CRYBG1: variants seen among roughly 807,000 people sequenced by gnomAD.
CRYBG1 encodes beta/gamma crystallin domain-containing protein 1.
CRYBG1 carries 139 observed loss-of-function variants against 189.2 expected under a neutral mutation model. That is an observed-to-expected ratio of 0.73 (90% CI 0.64 to 0.85). The LOEUF (loss-of-function observed/expected upper bound fraction) is 0.85, where lower values mean the gene tolerates loss of function less well. Among genes scored for constraint, CRYBG1 ranks in the 40% least tolerant of loss-of-function variants. The pLI, the probability that CRYBG1 is intolerant of heterozygous loss-of-function variation, is 0.00. For missense variants in CRYBG1, 2,611 were observed against 2,675.8 expected (o/e 0.98, Z 0.53); for synonymous variants, 1,023 against 1,017.1 (o/e 1.01, Z -0.11).
At chr6:106,478,082 A>G (rs1350309886) in intron 2 of CRYBG1, among the ~76,000 whole-genome samples, 1 of 152,216 alleles carries the variant, frequency 6.6e-6, no homozygotes, top group Non-Finnish European at 1.5e-5. Context: ...TGAGTGGGTG[A>G]GATCAGCTAG....
At chr6:106,481,538 A>G (rs2353060) in intron 2 of CRYBG1, among the ~76,000 whole-genome samples, 33,332 of 151,594 alleles carry the variant, frequency 0.22, 5,458 homozygotes, top group African/African-American at 0.45. Context: ...CGATATCTTT[A>G]CCTTCTCTCC....
At chr6:106,456,127 C>A (rs373086778) in intron 2 of CRYBG1, among the ~76,000 whole-genome samples, 1 of 152,144 alleles carries the variant, frequency 6.6e-6, no homozygotes, top group African/African-American at 2.4e-5. Context: ...CTCAGTGGTT[C>A]TAACCACTAT....
chr6:106,379,381 T>C (rs1364040758), intron 1 of CRYBG1, among the ~76,000 whole-genome samples: 1 of 151,534 alleles, frequency 6.6e-6, no homozygotes, highest in African/African-American at 2.4e-5. Context: ...CCTGCCTCAG[T>C]CTCCCAAGTA....
Position 106,519,862 on chromosome 6 carries a change from C to A in CRYBG1, c.2654C>A (p.Pro885His). The change falls in exon 4 of 22, where the codon CCC becomes CAC. Residue 885 changes from proline to histidine, a missense_variant. Coordinates refer to ENST00000633556, the MANE Select transcript of CRYBG1 (RefSeq NM_001371242.2). ...TCTGCACCCGCTCCTGGGGATGTTCCCAAAGACACATGTGTTCAATCACCC... is the reference window on the plus strand; with the variant it reads ...TCTGCACCCGCTCCTGGGGATGTTCACAAAGACACATGTGTTCAATCACCC... ...SLSAPAPGDV[P>H]KDTCVQSPIS... The A allele has an allele frequency of 6.2e-7, 1 of 1,614,154 alleles. No homozygotes were observed. The highest frequency in any genetic ancestry group is 8.5e-7 in the Non-Finnish European group (1 of 1,180,034).
At chr6:106,488,208 A>G (rs1056415646) in intron 2 of CRYBG1, among the ~76,000 whole-genome samples, 4 of 152,150 alleles carry the variant, frequency 2.6e-5, no homozygotes, top group African/African-American at 9.7e-5. Context: ...GCAGGCCAGC[A>G]GATTATGTGG....
chr6:106,481,209 C>T lies in CRYBG1; in HGVS notation c.312+29377C>T, dbSNP rs911672631. 4.9e-4 allele frequency among the ~76,000 whole-genome samples: 63 copies of T among 128,538 alleles called. 15 individuals carry two copies. The highest frequency in any genetic ancestry group is 1.7e-3 in the African/African-American group (55 of 32,364). 84.3% of individuals were successfully genotyped at this position (128,538 alleles called of 152,430 possible). A position where few individuals can be genotyped will look rare whatever the true frequency, so the allele number is the denominator to read the frequency against. On this transcript the variant is annotated intron_variant, in intron 2 of 21. Coordinates refer to ENST00000633556, the MANE Select transcript of CRYBG1 (RefSeq NM_001371242.2). The stretch of plus-strand genomic sequence containing the variant: ...CGGGATGGTCTCGATCTCTTGACCT[C>T]GTGATCCGCCCGCCTCGGCCTCCCA...
intron 4 of CRYBG1, among the ~76,000 whole-genome samples, chr6:106,524,237 G>C (rs1773680987): frequency 6.6e-6 from 1 of 152,030 alleles, no homozygotes; most frequent in South Asian, 2.1e-4. Context: ...ATTAGTTTTG[G>C]AGCCATATTG....
At chr6:106,491,698 C>T (rs577065587) in intron 2 of CRYBG1, among the ~76,000 whole-genome samples, 308 of 152,206 alleles carry the variant, frequency 2.0e-3, no homozygotes, top group Non-Finnish European at 3.7e-3. Flanking sequence ...TAACACCTTA[C>T]GTCTGAACTG....
At chr6:106,553,607 G>C in intron 16 of CRYBG1, 40 bp downstream of exon 16, 1 of 1,347,492 alleles carries the variant, frequency 7.4e-7, no homozygotes, top group Non-Finnish European at 1.1e-6. Flanking sequence ...AATCACTGGA[G>C]TAAAACAGAA....
chr6:106,507,313 C>T lies in CRYBG1; in HGVS notation c.313-4117C>T, dbSNP rs370074034. On this transcript the variant is annotated intron_variant, in intron 2 of 21. Coordinates refer to ENST00000633556, the MANE Select transcript of CRYBG1 (RefSeq NM_001371242.2). Reference sequence around the variant, plus strand: ...TTGGACATGGATGATGGAAGGGTGCCAAGTGCAGGTTCTGCACTGTAAGGT... The same window carrying T: ...TTGGACATGGATGATGGAAGGGTGCTAAGTGCAGGTTCTGCACTGTAAGGT... Among the ~76,000 whole-genome samples the T allele has an allele frequency of 1.1e-4, 16 of 152,318 alleles. No individual in the cohort carries two copies. The East Asian group carries it at 2.9e-3, about 28-fold the overall frequency.
intron 1 of CRYBG1, among the ~76,000 whole-genome samples, chr6:106,430,759 G>A (rs2114403341): frequency 6.6e-6 from 1 of 152,180 alleles, no homozygotes; most frequent in Middle Eastern, 3.4e-3. Flanking sequence ...CTGTAGCCGG[G>A]TAGCTGCACC....
intron 1 of CRYBG1, among the ~76,000 whole-genome samples, chr6:106,369,720 T>G (rs140938237): frequency 6.6e-6 from 1 of 152,358 alleles, no homozygotes; most frequent in Non-Finnish European, 1.5e-5. Flanking sequence ...CATCAATATT[T>G]GATTGAGAGA....
At chr6:106,502,550 A>G (rs1464484522) in intron 2 of CRYBG1, among the ~76,000 whole-genome samples, 2 of 152,242 alleles carry the variant, frequency 1.3e-5, no homozygotes, top group Non-Finnish European at 2.9e-5. Flanking sequence ...TAAGAAAAAA[A>G]ATCGCCGAAT....
In CRYBG1 at chr6:106,498,519, C is replaced by T. The variant is rs555639799; in HGVS notation, c.313-12911C>T. Among the ~76,000 whole-genome samples, 5 of 152,136 alleles carry T rather than the reference C, an allele frequency of 3.3e-5. No individual in the cohort carries two copies. In the South Asian group the frequency reaches 6.2e-4, roughly 19 times the overall value. ...AATACATTTTCTGCAGCCTGTGATA[C>T]GTTAAAAATAATATAAATGAACAAC... is the stretch of plus-strand genomic sequence containing the variant. On this transcript the variant is annotated intron_variant, in intron 2 of 21. Transcript: ENST00000633556.
chr6:106,446,687 G>A (rs1771670055), intron 1 of CRYBG1, among the ~76,000 whole-genome samples: 1 of 152,190 alleles, frequency 6.6e-6, no homozygotes, highest in Non-Finnish European at 1.5e-5. Flanking sequence ...AGATTTATCA[G>A]GGCCACTTTC....
chr6:106,553,247 G>A (rs1774450073), intron 15 of CRYBG1, among the ~76,000 whole-genome samples: 1 of 152,154 alleles, frequency 6.6e-6, no homozygotes, highest in African/African-American at 2.4e-5. Flanking sequence ...TGATGTCTCT[G>A]AATTAAATAA....
chr6:106,362,576 G>A (rs1486286293), intron 1 of CRYBG1, among the ~76,000 whole-genome samples: 1 of 152,204 alleles, frequency 6.6e-6, no homozygotes, highest in Non-Finnish European at 1.5e-5. Context: ...TTAGAAGAGC[G>A]TGGCACTTCC....
intron 2 of CRYBG1, among the ~76,000 whole-genome samples, chr6:106,483,849 A>G (rs1772531454): frequency 6.6e-6 from 1 of 152,168 alleles, no homozygotes; most frequent in Non-Finnish European, 1.5e-5. Flanking sequence ...TCTTTTGCCC[A>G]TTTTAAAATC....
At chr6:106,429,543 A>G (rs905051202) in intron 1 of CRYBG1, among the ~76,000 whole-genome samples, 1 of 152,208 alleles carries the variant, frequency 6.6e-6, no homozygotes, top group Non-Finnish European at 1.5e-5. Flanking sequence ...ATTTTTAGCT[A>G]TTGCTGTGGG....
Sources: gnomAD v4.1 joint callset for allele counts (sites outside exome capture counted in the v4.1 genomes callset) on GRCh38, gnomAD v4.1.1 for gene constraint, MANE v1.5 for transcripts, NCBI Gene and HGNC (gene_info 2026-07-23, HGNC 2026-07-21) for gene names.